The following DACH2 variants were observed in gnomAD, a reference collection of about 807,000 sequenced individuals.
DACH2 encodes dachshund family transcription factor 2.
Under a neutral mutation model 35.8 loss-of-function variants are expected in DACH2, and 17 were observed. That is an observed-to-expected ratio of 0.48 (90% confidence interval 0.33 to 0.71). The LOEUF is 0.71. Ranked by LOEUF, DACH2 falls within the 30% of genes least tolerant of loss-of-function variation. The pLI is 0.02. For synonymous variants in DACH2, 195 were observed against 177.3 expected (o/e 1.10, Z -0.79); for missense variants, 469 against 472.7 (o/e 0.99, Z 0.07).
intron 5 of DACH2, among the ~76,000 whole-genome samples, chrX:86,699,061 T>C (rs1450131002): frequency 9.0e-6 from 1 of 111,344 alleles, no homozygotes; most frequent in Non-Finnish European, 1.9e-5. Context: ...GCTCCCAGAT[T>C]CATAAAACAG....
intron 1 of DACH2, among the ~76,000 whole-genome samples, chrX:86,363,164 A>T (rs1478919251): frequency 9.0e-6 from 1 of 111,478 alleles, no homozygotes; most frequent in Non-Finnish European, 1.9e-5. Context: ...TTACACATGT[A>T]ATATATGTTT....
At chrX:86,707,506 C>G (rs2041228878) in intron 5 of DACH2, among the ~76,000 whole-genome samples, 2 of 111,327 alleles carry the variant, frequency 1.8e-5, no homozygotes, top group Admixed American at 9.6e-5. Context: ...ACCTAAATAC[C>G]AAAATACCAG....
At position 86,673,931 on chromosome X, in the gene DACH2, T is replaced by A. The variant is rs778749226; in HGVS notation, c.773-21090T>A. On this transcript the variant is annotated intron_variant, in intron 4 of 11. Coordinates refer to ENST00000373125, the MANE Select transcript of DACH2 (RefSeq NM_053281.3). ...TTCCCCTTCATGCTTTCACCATGAT[T>A]CTAAGTTTCCTTAGGCCTCCCCAGC... Among the ~76,000 whole-genome samples, 3 of 112,121 alleles carry A rather than the reference T, an allele frequency of 2.7e-5. No individual in the cohort carries two copies. In the South Asian group the frequency reaches 1.1e-3, roughly 42 times the overall value.
intron 2 of DACH2, among the ~76,000 whole-genome samples, chrX:86,490,533 C>T (rs970379646): frequency 9.0e-6 from 1 of 111,124 alleles, no homozygotes; most frequent in Non-Finnish European, 1.9e-5. Context: ...AGATATGTAA[C>T]GATGGAATAT....
At chrX:86,507,463 CAAAAAAAA>C (rs34617943) in intron 2 of DACH2, among the ~76,000 whole-genome samples, 5 of 47,644 alleles carry the variant, frequency 1.0e-4, no homozygotes, top group East Asian at 8.2e-4. Flanking sequence ...AGTGACCTTT[CAAAAAAAA>C]AAAAAAAAAA....
intron 4 of DACH2, among the ~76,000 whole-genome samples, chrX:86,672,826 C>T (rs1489044930): frequency 1.8e-5 from 2 of 111,581 alleles, no homozygotes; most frequent in African/African-American, 6.5e-5. Context: ...CTTAGTGGAG[C>T]TGTGAGAAGA....
At chrX:86,585,540 T>C (rs6524673) in intron 3 of DACH2, among the ~76,000 whole-genome samples, 44,826 of 109,483 alleles carry the variant, frequency 0.41, 8,460 homozygotes, top group African/African-American at 0.74. Flanking sequence ...TTCTGATCTT[T>C]TCTGATCCTC....
At chrX:86,445,355 T>C (rs1237114835) in intron 2 of DACH2, among the ~76,000 whole-genome samples, 1 of 19,539 alleles carries the variant, frequency 5.1e-5, no homozygotes, top group Non-Finnish European at 8.7e-5. Flanking sequence ...CTGGGGACTG[T>C]GGTGGGGTCG....
At chrX:86,167,471 AG>A in intron 1 of DACH2, among the ~76,000 whole-genome samples, 1 of 110,464 alleles carries the variant, frequency 9.1e-6, no homozygotes, top group East Asian at 2.8e-4. Flanking sequence ...GTCTGGCTAA[AG>A]GTTTGTCAGT....
In DACH2 at chrX:86,755,747, G is replaced by A. The variant is rs188898420; in HGVS notation, c.1240+15865G>A. ...TGAGTAGCTGGGACTACAGGCGCCC[G>A]CCACCACACCCGGCTAATTTTTTGT... is the stretch of plus-strand genomic sequence containing the variant. On this transcript the variant is annotated intron_variant, in intron 7 of 11. Coordinates refer to ENST00000373125, the MANE Select transcript of DACH2 (RefSeq NM_053281.3). Among the ~76,000 whole-genome samples the A allele has an allele frequency of 2.1e-3, 223 of 108,019 alleles. 3 individuals carry two copies. In the East Asian group the frequency reaches 0.051, roughly 25 times the overall value. The allele number at this position is 108,019 out of a possible 115,157, so 93.8% of individuals were successfully genotyped here. A position where few individuals can be genotyped will look rare whatever the true frequency, so the allele number is the denominator to read the frequency against.
At chrX:86,327,291 A>G (rs1480323670) in intron 1 of DACH2, among the ~76,000 whole-genome samples, 1 of 111,850 alleles carries the variant, frequency 8.9e-6, no homozygotes, top group Admixed American at 9.5e-5. Flanking sequence ...TTAATTATAA[A>G]TACTCCTTTT....
At chrX:86,191,563 A>G (rs1286692504) in intron 1 of DACH2, among the ~76,000 whole-genome samples, 2 of 111,505 alleles carry the variant, frequency 1.8e-5, no homozygotes, top group Non-Finnish European at 3.8e-5. Context: ...TCTGTACACC[A>G]AACCCCTGTG....
chrX:86,564,504 G>A (rs1200637993), intron 3 of DACH2, among the ~76,000 whole-genome samples: 6 of 111,335 alleles, frequency 5.4e-5, no homozygotes, highest in Non-Finnish European at 1.1e-4. Flanking sequence ...TTAATTAACA[G>A]CTTATTCCCC....
chrX:86,694,921 T>A (rs1233315232), intron 4 of DACH2, 100 bp from the exon 5 acceptor site: 1 of 579,198 alleles, frequency 1.7e-6, no homozygotes, highest in Non-Finnish European at 2.4e-6. Context: ...AATAATTTCC[T>A]AAGAGGTAGT....
intron 3 of DACH2, among the ~76,000 whole-genome samples, chrX:86,632,830 C>T (rs1469223539): frequency 9.0e-6 from 1 of 110,642 alleles, no homozygotes; most frequent in Admixed American, 9.7e-5. Flanking sequence ...AAACAAAATG[C>T]TCCTGAGAGT....
chrX:86,739,805 G>A lies in DACH2; in HGVS notation c.1163G>A (p.Gly388Glu). 1 of 1,199,598 alleles carries A rather than the reference G, an allele frequency of 8.3e-7. No homozygotes were observed. Among genetic ancestry groups the A allele is most frequent in the Non-Finnish European group, 1.1e-6 (1 of 888,982 alleles). The change falls in exon 7 of 12, where the codon GGG becomes GAG. Residue 388 changes from glycine (G) to glutamate (E), a missense_variant. Around this residue, in one of 3 missense-constraint regions of DACH2, gnomAD observed 363 missense variants for 334.4 expected, o/e 1.09. Coordinates refer to ENST00000373125, the MANE Select transcript of DACH2 (RefSeq NM_053281.3). ...TCTCTAGAAGAGAATCATCGTCCTG[G>A]GAGCCAGACCTCTTCCCACACCAGC... ...APSLEENHRP[G>E]SQTSSHTSSS...
intron 1 of DACH2, among the ~76,000 whole-genome samples, chrX:86,337,475 C>A (rs1026698147): frequency 8.9e-6 from 1 of 111,791 alleles, no homozygotes; most frequent in Admixed American, 9.5e-5. Context: ...TCCACCCAAA[C>A]TAAGCTTCAT....
rs1167351837 is a variant in DACH2, at chrX:86,825,317, T to G, written c.1751-6789T>G. Among the ~76,000 whole-genome samples the G allele has an allele frequency of 7.2e-5, 8 of 110,542 alleles. No individual in the cohort carries two copies. In the East Asian group the frequency reaches 2.0e-3, roughly 28 times the overall value. On this transcript the variant is annotated intron_variant, in intron 11 of 11. Coordinates refer to ENST00000373125, the MANE Select transcript of DACH2 (RefSeq NM_053281.3). ...CTGTAGTCCCAGCTACCTGGGAGGC[T>G]GAGGCAGGAGAATTGTTTGAACCTG...
intron 3 of DACH2, among the ~76,000 whole-genome samples, chrX:86,517,603 A>G: frequency 9.1e-6 from 1 of 110,132 alleles, no homozygotes; most frequent in Non-Finnish European, 1.9e-5. Flanking sequence ...TATTTTTAGT[A>G]GAGACGAGGT....
Sources: gnomAD v4.1 joint callset for allele counts (sites outside exome capture counted in the v4.1 genomes callset) on GRCh38, gnomAD v4.1.1 for gene constraint, gnomAD v4.1.1 regional missense constraint, MANE v1.5 for transcripts, NCBI Gene and HGNC (gene_info 2026-07-23, HGNC 2026-07-21) for gene names.